TAFA2: variants seen among roughly 807,000 people sequenced by gnomAD.
TAFA2 encodes chemokine-like protein TAFA-2.
A neutral mutation model predicts 18.8 loss-of-function variants in TAFA2; 7 were observed. That is an observed-to-expected ratio of 0.37 (90% CI 0.21 to 0.70). TAFA2 has a LOEUF of 0.70. Ranked by LOEUF, TAFA2 falls within the 30% of genes least tolerant of loss-of-function variation. The pLI is 0.53. For synonymous variants in TAFA2, 60 were observed against 54.2 expected (o/e 1.11, Z -0.47); for missense variants, 122 against 158.1 (o/e 0.77, Z 1.23).
At chr12:61,720,923 G>A (rs754258409) in intron 4 of TAFA2, 1 of 517,914 alleles carries the variant, frequency 1.9e-6, no homozygotes, top group Non-Finnish European at 3.9e-6. Context: ...TTACACGTTT[G>A]CCTAAGGAAC....
At chr12:61,789,932 T>C (rs1394861915) in intron 2 of TAFA2, among the ~76,000 whole-genome samples, 1 of 151,786 alleles carries the variant, frequency 6.6e-6, no homozygotes, top group African/African-American at 2.4e-5. Context: ...TACAGGCCAA[T>C]ATCCCTGAGT....
At position 61,768,476 on chromosome 12, in the gene TAFA2, A is replaced by T. The variant is rs543066308; in HGVS notation, c.107-13452T>A. Among the ~76,000 whole-genome samples, 11 of 152,254 alleles carry T rather than the reference A, an allele frequency of 7.2e-5. No homozygotes were observed. The East Asian group carries it at 1.7e-3, about 24-fold the overall frequency. On this transcript the variant is annotated intron_variant, in intron 2 of 4. Coordinates refer to ENST00000416284, the MANE Select transcript of TAFA2 (RefSeq NM_178539.5). Reference sequence around the variant, plus strand: ...TTTGAAAAAAGTGGCTTGCCACTGTAGGTTTCGTGAGATGGCCAAAAAAAC... The same window carrying T: ...TTTGAAAAAAGTGGCTTGCCACTGTTGGTTTCGTGAGATGGCCAAAAAAAC...
intron 1 of TAFA2, among the ~76,000 whole-genome samples, chr12:62,160,028 C>G (rs2062396351): frequency 6.6e-6 from 1 of 152,168 alleles, no homozygotes; most frequent in Non-Finnish European, 1.5e-5. Flanking sequence ...TCAAGTCATT[C>G]AGCTCAAGAA....
At position 61,867,310 on chromosome 12, in the gene TAFA2, A is replaced by G; in HGVS notation, c.106+10T>C. On this transcript the variant is annotated intron_variant, in intron 2 of 4. Transcript: ENST00000416284. Reference sequence around the variant, plus strand: ...CACATTTAGTTGAAAAAAAAAACAGAAAAGCTTACCTTTATGATGGTTTGC... The same window carrying G: ...CACATTTAGTTGAAAAAAAAAACAGGAAAGCTTACCTTTATGATGGTTTGC... The G allele has an allele frequency of 6.5e-7, 1 of 1,533,936 alleles. No individual in the cohort carries two copies.
intron 2 of TAFA2, among the ~76,000 whole-genome samples, chr12:61,830,814 C>T (rs1872694174): frequency 6.6e-6 from 1 of 151,994 alleles, no homozygotes; most frequent in Non-Finnish European, 1.5e-5. Context: ...TCCCATACCT[C>T]AGAATTTAAT....
At chr12:62,176,826 G>A (rs763997792) in intron 1 of TAFA2, among the ~76,000 whole-genome samples, 2 of 152,172 alleles carry the variant, frequency 1.3e-5, no homozygotes, top group Non-Finnish European at 2.9e-5. Flanking sequence ...TCTCTAACCA[G>A]CATTCTGTTA....
chr12:62,054,536 G>A (rs1306119592), intron 1 of TAFA2, among the ~76,000 whole-genome samples: 1 of 152,158 alleles, frequency 6.6e-6, no homozygotes, highest in Non-Finnish European at 1.5e-5. Flanking sequence ...AACAGAAAGG[G>A]AAGGTATATT....
chr12:61,827,417 AC>A (rs1366531497), intron 2 of TAFA2, among the ~76,000 whole-genome samples: 4 of 152,036 alleles, frequency 2.6e-5, no homozygotes, highest in African/African-American at 9.7e-5. Context: ...GAGGTTCTCT[AC>A]CATTACTTGT....
chr12:62,187,420 C>T (rs1056150846), intron 1 of TAFA2, among the ~76,000 whole-genome samples: 1 of 152,140 alleles, frequency 6.6e-6, no homozygotes, highest in African/African-American at 2.4e-5. Flanking sequence ...TAAAGGCAGA[C>T]ATTCTACAAA....
At chr12:62,080,123 A>T (rs928475638) in intron 1 of TAFA2, among the ~76,000 whole-genome samples, 7 of 152,212 alleles carry the variant, frequency 4.6e-5, no homozygotes, top group Non-Finnish European at 7.3e-5. Context: ...ACTCTCTGTC[A>T]GCAGAGGCTG....
At chr12:61,892,329 T>C (rs886173862) in intron 1 of TAFA2, among the ~76,000 whole-genome samples, 4 of 152,108 alleles carry the variant, frequency 2.6e-5, no homozygotes, top group African/African-American at 9.7e-5. Flanking sequence ...TCCAAGATAT[T>C]ACGTAGGAAG....
chr12:61,931,324 A>T (rs781672280), intron 1 of TAFA2, among the ~76,000 whole-genome samples: 1 of 152,246 alleles, frequency 6.6e-6, no homozygotes, highest in East Asian at 1.9e-4. Flanking sequence ...ACCTTGGTTC[A>T]TATGACACAT....
chr12:62,050,734 T>C (rs1188968954), intron 1 of TAFA2, among the ~76,000 whole-genome samples: 1 of 152,170 alleles, frequency 6.6e-6, no homozygotes, highest in East Asian at 1.9e-4. Flanking sequence ...GATTTTCAAT[T>C]AGCCATGTGC....
At chr12:61,783,779 A>G (rs1249451968) in intron 2 of TAFA2, among the ~76,000 whole-genome samples, 1 of 151,614 alleles carries the variant, frequency 6.6e-6, no homozygotes, top group Non-Finnish European at 1.5e-5. Flanking sequence ...ACTGCAAACT[A>G]TAGAAGTCAG....
chr12:61,750,393 A>C (rs1191932933), intron 4 of TAFA2, among the ~76,000 whole-genome samples: 1 of 152,106 alleles, frequency 6.6e-6, no homozygotes, highest in Non-Finnish European at 1.5e-5. Context: ...TTCCAAATTA[A>C]ATGCTTGGGT....
chr12:61,820,776 C>T (rs1872288706), intron 2 of TAFA2, among the ~76,000 whole-genome samples: 1 of 151,956 alleles, frequency 6.6e-6, no homozygotes, highest in Non-Finnish European at 1.5e-5. Context: ...CTGTAAAACT[C>T]ACCTGACCTC....
At position 61,930,246 on chromosome 12, in the gene TAFA2, C is replaced by T. The variant is rs144671551; in HGVS notation, c.-1-62820G>A. Among the ~76,000 whole-genome samples the T allele has an allele frequency of 2.7e-3, 414 of 152,106 alleles. 3 individuals are homozygous for T. Among genetic ancestry groups the T allele is most frequent in the African/African-American group, 9.3e-3 (385 of 41,480 alleles). On this transcript the variant is annotated intron_variant, in intron 1 of 4. Transcript: ENST00000416284. ...ACACAAAATAGACTTAAGTTTCAAA[C>T]CAAAAGGGACTGCATAACCATAAAT...
intron 1 of TAFA2, among the ~76,000 whole-genome samples, chr12:62,093,932 G>C (rs532729619): frequency 1.3e-5 from 2 of 152,114 alleles, no homozygotes; most frequent in South Asian, 4.1e-4. Context: ...TGCTCTGAAG[G>C]CAAGTCCCAA....
chr12:61,902,671 T>C (rs1428328493), intron 1 of TAFA2, among the ~76,000 whole-genome samples: 1 of 152,196 alleles, frequency 6.6e-6, no homozygotes, highest in African/African-American at 2.4e-5. Flanking sequence ...GATGATCTCA[T>C]GTCTTTAATA....
Sources: allele counts gnomAD v4.1 joint callset (sites outside exome capture counted in the v4.1 genomes callset), GRCh38; gene constraint gnomAD v4.1.1; transcripts MANE v1.5; gene names NCBI Gene and HGNC (gene_info 2026-07-23, HGNC 2026-07-21).